The following C12orf42 variants were observed in gnomAD, a reference collection of about 807,000 sequenced individuals.
C12orf42 encodes the protein uncharacterized protein C12orf42.
In C12orf42, 25 loss-of-function variants were observed where a neutral mutation model predicts 21.6. The ratio of observed to expected loss-of-function variants is 1.16; its 90% CI spans 0.84 to 1.62. The LOEUF is 1.62. Ranked by LOEUF, C12orf42 falls within the 40% of genes most tolerant of loss-of-function variation. C12orf42 has a pLI of 0.00. For synonymous variants in C12orf42, 174 were observed against 175.0 expected, an observed-to-expected ratio of 0.99 and a Z score of 0.05; for missense variants, 483 against 459.3, an observed-to-expected ratio of 1.05 and a Z score of -0.47.
rs143402571 is a variant in C12orf42 at position 103,367,453 on chromosome 12, A to T, written c.259+1434T>A. Among the ~76,000 whole-genome samples, 738 of 151,978 alleles carry T rather than the reference A, an allele frequency of 4.9e-3. 10 individuals carry two copies. Among genetic ancestry groups the T allele is most frequent in the African/African-American group, 0.017 (699 of 41,536 alleles). On this transcript the variant is annotated intron_variant, in intron 4 of 5. Transcript: ENST00000548883. ...CCAAAAGACTATGGAAATAAAAAAAAAAAGAAAATAAAGAAAGAAAAAAAA... is the reference window on the plus strand; with the variant it reads ...CCAAAAGACTATGGAAATAAAAAAATAAAGAAAATAAAGAAAGAAAAAAAA...
chr12:103,467,327 G>A (rs1953221958), intron 2 of C12orf42, among the ~76,000 whole-genome samples: 1 of 152,148 alleles, frequency 6.6e-6, no homozygotes, highest in Admixed American at 6.5e-5. Context: ...TATTAATGGG[G>A]AGGATAGGGA....
At chr12:103,297,475 A>C (rs576918977), downstream of C12orf42, among the ~76,000 whole-genome samples, 4 of 152,008 alleles carry the variant, frequency 2.6e-5, no homozygotes, top group East Asian at 7.7e-4. Flanking sequence ...CCTACCAACC[A>C]AAAAAAAAGT....
rs1050739621 is a variant in C12orf42, at chr12:103,314,615, C to T, written c.260-8270G>A. On this transcript the variant is annotated intron_variant, in intron 4 of 5. Transcript: ENST00000548883. ...CAAGGTGAAAGTCTGAAAAAGATTC[C>T]GTCATGGATTTGACAGGAGGAAGAT... is the stretch of plus-strand genomic sequence containing the variant. Among the ~76,000 whole-genome samples, 14 of 152,140 alleles carry T rather than the reference C, an allele frequency of 9.2e-5. No homozygotes were observed. The East Asian group carries it at 1.4e-3, about 15-fold the overall frequency.
chr12:103,401,857 G>A (rs1044826199), intron 2 of C12orf42, among the ~76,000 whole-genome samples, 182 bp from the exon 3 acceptor site: 1 of 152,170 alleles, frequency 6.6e-6, no homozygotes, highest in African/African-American at 2.4e-5. Flanking sequence ...ACAATGGTGA[G>A]CCCAAAACAC....
chr12:103,076,867 G>A, the C12orf42 span, among the ~76,000 whole-genome samples: 4 of 152,058 alleles, frequency 2.6e-5, no homozygotes, highest in Non-Finnish European at 5.9e-5. Flanking sequence ...GATACAAAAA[G>A]GTTAATTAAA....
the C12orf42 span, among the ~76,000 whole-genome samples, chr12:103,101,529 C>T: frequency 6.6e-6 from 1 of 152,184 alleles, no homozygotes; most frequent in African/African-American, 2.4e-5. Flanking sequence ...TCATGTTCAT[C>T]CTTGATGTCA....
chr12:103,470,382 G>A (rs1317962248), intron 2 of C12orf42, among the ~76,000 whole-genome samples: 2 of 152,146 alleles, frequency 1.3e-5, no homozygotes, highest in African/African-American at 2.4e-5. Context: ...TATCTCAAGA[G>A]ACCATCTATA....
the C12orf42 span, among the ~76,000 whole-genome samples, chr12:103,109,976 A>T: frequency 6.6e-6 from 1 of 152,194 alleles, no homozygotes; most frequent in African/African-American, 2.4e-5. Context: ...CAACAGTGAG[A>T]CAATGTAAGT....
rs2040049585 is a variant in C12orf42 at position 103,321,096 on chromosome 12, A to C, written c.260-14751T>G. ...CTGGTTGGCCTACAAAATGGGAGAA[A>C]ATTTTTGCAACCTACTCATCTGACA... On this transcript the variant is annotated intron_variant, in intron 4 of 5. Coordinates refer to ENST00000548883, the MANE Select transcript of C12orf42 (RefSeq NM_198521.5). Among the ~76,000 whole-genome samples, 3 of 152,274 alleles carry C rather than the reference A, an allele frequency of 2.0e-5. No homozygotes were observed. In the South Asian group the frequency reaches 6.2e-4, roughly 32 times the overall value.
intron 3 of C12orf42, among the ~76,000 whole-genome samples, chr12:103,399,322 T>A (rs2047791770): frequency 6.6e-6 from 1 of 151,766 alleles, no homozygotes; most frequent in African/African-American, 2.4e-5. Flanking sequence ...TTAATGAAAA[T>A]GATTCTAAAG....
chr12:103,098,725 G>T, the C12orf42 span, among the ~76,000 whole-genome samples: 1 of 152,190 alleles, frequency 6.6e-6, no homozygotes, highest in Non-Finnish European at 1.5e-5. Context: ...GGGTCCATTA[G>T]CATCTTTCTA....
chr12:103,193,129 A>G, the C12orf42 span, among the ~76,000 whole-genome samples: 2 of 152,188 alleles, frequency 1.3e-5, no homozygotes, highest in Admixed American at 6.5e-5. Flanking sequence ...TCACCAACAC[A>G]TTCATCAATA....
chr12:103,089,050 T>C, the C12orf42 span, among the ~76,000 whole-genome samples: 5 of 131,278 alleles, frequency 3.8e-5, no homozygotes, highest in South Asian at 9.1e-4. Flanking sequence ...TGCAGTGAGC[T>C]GAGATCGCGC....
chr12:103,061,245 G>A, the C12orf42 span, among the ~76,000 whole-genome samples: 6 of 152,302 alleles, frequency 3.9e-5, no homozygotes, highest in South Asian at 1.0e-3. Context: ...GGGTGGTGTT[G>A]AAAGTCTTAA....
At chr12:103,205,419 C>G in the C12orf42 span, among the ~76,000 whole-genome samples, 1 of 152,062 alleles carries the variant, frequency 6.6e-6, no homozygotes, top group South Asian at 2.1e-4. Flanking sequence ...AGGGGAACTC[C>G]CCTTTATAAA....
the C12orf42 span, among the ~76,000 whole-genome samples, chr12:103,171,593 T>G: frequency 2.0e-5 from 3 of 151,968 alleles, no homozygotes; most frequent in African/African-American, 7.3e-5. Flanking sequence ...AGAATAGTAT[T>G]TTTAATAAAT....
chr12:103,198,691 T>C, the C12orf42 span, among the ~76,000 whole-genome samples: 1 of 152,042 alleles, frequency 6.6e-6, no homozygotes, highest in African/African-American at 2.4e-5. Context: ...GTGGCAAGAG[T>C]GTGCTACTCC....
intron 4 of C12orf42, among the ~76,000 whole-genome samples, chr12:103,358,507 T>C (rs2043786670): frequency 6.6e-6 from 1 of 151,858 alleles, no homozygotes; most frequent in South Asian, 2.1e-4. Flanking sequence ...AAGACATAAG[T>C]CTTATTCTAC....
chr12:103,234,152 A>G (rs1292206359), downstream of C12orf42, among the ~76,000 whole-genome samples: 1 of 152,182 alleles, frequency 6.6e-6, no homozygotes, highest in African/African-American at 2.4e-5. Flanking sequence ...CCTGGGATAA[A>G]TCCCACTTAG....
Sources: allele counts gnomAD v4.1 joint callset (sites outside exome capture counted in the v4.1 genomes callset), GRCh38; gene constraint gnomAD v4.1.1; transcripts MANE v1.5; gene names NCBI Gene and HGNC (gene_info 2026-07-23, HGNC 2026-07-21).